RBFOX1: variants seen among roughly 807,000 people sequenced by gnomAD.
The protein encoded by RBFOX1 is RNA binding fox-1 homolog 1.
RBFOX1 carries 8 observed loss-of-function variants against 57.7 expected under a neutral mutation model. That is an observed-to-expected ratio of 0.14 (90% CI 0.08 to 0.25). The LOEUF is 0.25. RBFOX1 is among the 10% of genes least tolerant of loss of function. The probability of loss-of-function intolerance (pLI) is 1.00; values close to 1 mark genes in which losing one functional copy is unlikely to be tolerated. For missense variants in RBFOX1, 611 were observed against 548.5 expected, an observed-to-expected ratio of 1.11 and a Z score of -1.14; for synonymous variants, 326 against 222.4, an observed-to-expected ratio of 1.47 and a Z score of -4.15.
chr16:5,537,202 A>G (rs2044736008), intron 2 of RBFOX1, among the ~76,000 whole-genome samples: 1 of 152,090 alleles, frequency 6.6e-6, no homozygotes. Context: ...TAATGTTCAT[A>G]TATATATTAA....
intron 2 of RBFOX1, among the ~76,000 whole-genome samples, chr16:6,580,363 C>A (rs965509369): frequency 1.3e-5 from 2 of 152,166 alleles, no homozygotes; most frequent in East Asian, 3.9e-4. Flanking sequence ...GGAGTCATAA[C>A]ACACATTTGC....
chr16:7,289,246 A>G (rs1002186146), intron 4 of RBFOX1, among the ~76,000 whole-genome samples: 6 of 152,200 alleles, frequency 3.9e-5, no homozygotes, highest in Admixed American at 6.5e-5. Flanking sequence ...GGAAGTAGCA[A>G]TGGGCTCTCC....
intron 1 of RBFOX1, among the ~76,000 whole-genome samples, chr16:5,306,535 T>C (rs560123952): frequency 4.6e-5 from 7 of 152,266 alleles, no homozygotes; most frequent in Middle Eastern, 6.8e-3. Flanking sequence ...CTTGAGCTCA[T>C]GACCTCAAGT....
intron 2 of RBFOX1, among the ~76,000 whole-genome samples, chr16:6,629,661 G>C (rs1292945576): frequency 6.6e-6 from 1 of 152,044 alleles, no homozygotes; most frequent in East Asian, 1.9e-4. Flanking sequence ...AGATGACAAC[G>C]AGATTTTAAT....
chr16:5,856,784 T>C (rs754573527), intron 3 of RBFOX1, among the ~76,000 whole-genome samples: 1 of 151,356 alleles, frequency 6.6e-6, no homozygotes, highest in Non-Finnish European at 1.5e-5. Flanking sequence ...TGAAGAGAGT[T>C]AGGGTCTTGC....
chr16:7,463,115 G>A (rs941834227), intron 4 of RBFOX1, among the ~76,000 whole-genome samples: 5 of 152,180 alleles, frequency 3.3e-5, no homozygotes, highest in Admixed American at 1.3e-4. Flanking sequence ...TGAATGTCAG[G>A]TAAGGGCCCA....
intron 1 of RBFOX1, among the ~76,000 whole-genome samples, chr16:6,255,769 G>C (rs370315537): frequency 6.6e-6 from 1 of 151,960 alleles, no homozygotes; most frequent in African/African-American, 2.4e-5. Flanking sequence ...GGAAACCGTC[G>C]TTCTCACCAA....
intron 1 of RBFOX1, among the ~76,000 whole-genome samples, chr16:6,063,360 C>T (rs577052796): frequency 6.6e-6 from 1 of 152,126 alleles, no homozygotes; most frequent in Admixed American, 6.6e-5. Flanking sequence ...GGTTCATTAA[C>T]ACTTAATTTA....
chr16:5,717,158 C>T (rs1338999503), intron 3 of RBFOX1, among the ~76,000 whole-genome samples: 1 of 152,058 alleles, frequency 6.6e-6, no homozygotes, highest in South Asian at 2.1e-4. Context: ...TTCATGAATC[C>T]AGCAGAAAAG....
At chr16:6,848,873 A>T (rs1419479847) in intron 3 of RBFOX1, among the ~76,000 whole-genome samples, 1 of 152,188 alleles carries the variant, frequency 6.6e-6, no homozygotes, top group East Asian at 1.9e-4. Flanking sequence ...GTATTTCCTC[A>T]GGTGTCAAAG....
At chr16:6,874,034 T>G (rs555713200) in intron 3 of RBFOX1, 64 of 152,296 alleles carry the variant, frequency 4.2e-4, no homozygotes, top group African/African-American at 1.4e-3. Context: ...TGTTGATCCA[T>G]TATCTACCAA....
Position 6,552,525 on chromosome 16 carries a change from G to A in RBFOX1, c.-63-102078G>A, listed in dbSNP as rs552520153. Among the ~76,000 whole-genome samples, 9 of 152,258 alleles carry A rather than the reference G, an allele frequency of 5.9e-5. No individual in the cohort carries two copies. The South Asian group carries it at 1.2e-3, about 21-fold the overall frequency. On this transcript the variant is annotated intron_variant, in intron 2 of 15. Transcript: ENST00000550418. ...GTTTGCCTGGTCTATGGTAATTGCC[G>A]AATAAATGTTACCTGTTATCCCAGT...
In RBFOX1 at chr16:7,130,648, C is replaced by T. The variant is rs539795891; in HGVS notation, c.27+78550C>T. 3.9e-5 allele frequency among the ~76,000 whole-genome samples: 6 copies of T among 152,294 alleles called. No homozygotes were observed. The South Asian group carries it at 1.2e-3, about 32-fold the overall frequency. The stretch of plus-strand genomic sequence containing the variant: ...ATGTAGGTTTTATAGCCAATGACAT[C>T]TCCAGTGCCTTTTTACTTGATAAAT... On this transcript the variant is annotated intron_variant, in intron 4 of 15. Coordinates refer to ENST00000550418, the MANE Select transcript of RBFOX1 (RefSeq NM_018723.4).
chr16:7,148,553 C>G (rs1394400564), intron 4 of RBFOX1, among the ~76,000 whole-genome samples: 2 of 152,206 alleles, frequency 1.3e-5, no homozygotes, highest in East Asian at 3.9e-4. Context: ...CCTGAACAGA[C>G]AACATAGCTG....
intron 1 of RBFOX1, among the ~76,000 whole-genome samples, chr16:5,272,317 C>G (rs2151126676): frequency 6.6e-6 from 1 of 152,268 alleles, no homozygotes; most frequent in Non-Finnish European, 1.5e-5. Context: ...CAAAACATCA[C>G]ATAAATGTGT....
At chr16:5,722,310 G>GT (rs2051965944) in intron 3 of RBFOX1, among the ~76,000 whole-genome samples, 3 of 152,216 alleles carry the variant, frequency 2.0e-5, no homozygotes. Context: ...GTGATTCACT[G>GT]TTGTTCCAGT....
chr16:6,270,499 T>G lies in RBFOX1; in HGVS notation c.-126-46496T>G, dbSNP rs577059903. Among the ~76,000 whole-genome samples, 4 of 149,014 alleles carry G rather than the reference T, an allele frequency of 2.7e-5. No individual in the cohort carries two copies. In the East Asian group the frequency reaches 5.9e-4, roughly 22 times the overall value. On this transcript the variant is annotated intron_variant, in intron 1 of 15. Transcript: ENST00000550418. ...AACAACTAGAAATAGAGACGATATGTAATGATACAGTGATACAGTGTCAGT... is the reference window on the plus strand; with the variant it reads ...AACAACTAGAAATAGAGACGATATGGAATGATACAGTGATACAGTGTCAGT...
At chr16:5,619,653 G>A (rs1266902941) in intron 3 of RBFOX1, among the ~76,000 whole-genome samples, 2 of 152,218 alleles carry the variant, frequency 1.3e-5, no homozygotes, top group Non-Finnish European at 2.9e-5. Context: ...AGGTGGCAAA[G>A]AGGGGGGCCT....
At chr16:7,328,155 C>T (rs763203501) in intron 4 of RBFOX1, among the ~76,000 whole-genome samples, 1 of 152,068 alleles carries the variant, frequency 6.6e-6, no homozygotes, top group Non-Finnish European at 1.5e-5. Flanking sequence ...AGGTGTGCAC[C>T]ACTGTGCCCA....
Sources: allele counts gnomAD v4.1 joint callset (sites outside exome capture counted in the v4.1 genomes callset), GRCh38; gene constraint gnomAD v4.1.1; transcripts MANE v1.5; gene names NCBI Gene and HGNC (gene_info 2026-07-23, HGNC 2026-07-21).